CSMD1: variants seen among roughly 807,000 people sequenced by gnomAD.
The protein encoded by CSMD1 is CUB and sushi domain-containing protein 1.
A neutral mutation model predicts 417.5 loss-of-function variants in CSMD1; 213 were observed. The observed-to-expected ratio is 0.51, with a 90% CI of 0.46 to 0.57. The LOEUF (loss-of-function observed/expected upper bound fraction) is 0.57. Among genes scored for constraint, CSMD1 ranks in the 20% least tolerant of loss-of-function variants. The pLI is 0.00. For missense variants in CSMD1, 6,923 were observed against 4,529.7 expected (o/e 1.53, Z -15.17); for synonymous variants, 2,862 against 1,736.8 (o/e 1.65, Z -16.11).
chr8:4,358,682 T>A (rs189046443), intron 3 of CSMD1, among the ~76,000 whole-genome samples: 1 of 152,348 alleles, frequency 6.6e-6, no homozygotes, highest in African/African-American at 2.4e-5. Flanking sequence ...TGCATACTTT[T>A]TCTAAGAGTA....
chr8:3,264,221 G>A, intron 26 of CSMD1, among the ~76,000 whole-genome samples: 1 of 152,104 alleles, frequency 6.6e-6, no homozygotes, highest in East Asian at 1.9e-4. Context: ...AGATTTCTTA[G>A]GAAACATTCT....
At chr8:4,498,128 G>A (rs1330250241) in intron 2 of CSMD1, among the ~76,000 whole-genome samples, 1 of 152,048 alleles carries the variant, frequency 6.6e-6, no homozygotes. Flanking sequence ...GTCCTTTGTG[G>A]GACTTAAAGT....
At chr8:4,217,088 G>C (rs1328696615) in intron 3 of CSMD1, among the ~76,000 whole-genome samples, 2 of 152,180 alleles carry the variant, frequency 1.3e-5, no homozygotes, top group Non-Finnish European at 2.9e-5. Flanking sequence ...CAATATAGTA[G>C]ATAGGGGCTG....
chr8:4,432,271 C>G (rs921399584), intron 2 of CSMD1, among the ~76,000 whole-genome samples: 1 of 152,038 alleles, frequency 6.6e-6, no homozygotes, highest in Non-Finnish European at 1.5e-5. Flanking sequence ...TAACTGTTTT[C>G]CAGGTGTAGG....
chr8:3,905,826 G>T (rs17067890), intron 5 of CSMD1, among the ~76,000 whole-genome samples: 1 of 152,016 alleles, frequency 6.6e-6, no homozygotes, highest in African/African-American at 2.4e-5. Flanking sequence ...CAAACATCTG[G>T]GCCTGGCATT....
chr8:4,953,064 CA>C (rs5889076), intron 1 of CSMD1, among the ~76,000 whole-genome samples: 124,003 of 151,912 alleles, frequency 0.82, 50,775 homozygotes, highest in Admixed American at 0.87. Context: ...GATGTTAAGA[CA>C]AAAAAACATT....
At chr8:3,537,810 C>T (rs920853313) in intron 10 of CSMD1, among the ~76,000 whole-genome samples, 1 of 152,188 alleles carries the variant, frequency 6.6e-6, no homozygotes, top group Admixed American at 6.5e-5. Context: ...TAGCACTTGG[C>T]ACAAACTTGG....
chr8:3,303,029 G>C (rs1205189687), intron 25 of CSMD1, among the ~76,000 whole-genome samples: 3 of 152,166 alleles, frequency 2.0e-5, no homozygotes, highest in Non-Finnish European at 4.4e-5. Flanking sequence ...AAAAACTGTA[G>C]ACTTCTATAA....
chr8:4,821,737 T>C (rs555174924), intron 1 of CSMD1, among the ~76,000 whole-genome samples: 1 of 152,132 alleles, frequency 6.6e-6, no homozygotes, highest in Admixed American at 6.6e-5. Context: ...GATGTTCTTG[T>C]GTTATAAGTG....
intron 5 of CSMD1, among the ~76,000 whole-genome samples, chr8:3,794,730 T>C (rs889815040): frequency 6.6e-6 from 1 of 152,202 alleles, no homozygotes; most frequent in East Asian, 1.9e-4. Context: ...CTCCGATATC[T>C]CACAGTTGCA....
chr8:3,278,448 G>C (rs909547390), intron 26 of CSMD1: 2 of 152,084 alleles, frequency 1.3e-5, no homozygotes, highest in African/African-American at 4.8e-5. Context: ...AGCCTACTAA[G>C]AAATCTCATT....
intron 5 of CSMD1, among the ~76,000 whole-genome samples, chr8:3,894,350 G>C (rs188456602): frequency 2.6e-5 from 4 of 152,088 alleles, no homozygotes; most frequent in Admixed American, 2.0e-4. Context: ...TCTATCACGA[G>C]GATTAAATGG....
At chr8:3,873,126 A>G (rs550380426) in intron 5 of CSMD1, among the ~76,000 whole-genome samples, 3 of 152,278 alleles carry the variant, frequency 2.0e-5, no homozygotes, top group South Asian at 2.1e-4. Flanking sequence ...TAGTTCAACT[A>G]TTGAGGAAAC....
chr8:3,701,452 G>T (rs1025802956), intron 7 of CSMD1, among the ~76,000 whole-genome samples: 20 of 151,910 alleles, frequency 1.3e-4, no homozygotes, highest in Non-Finnish European at 2.6e-4. Flanking sequence ...CGGTTATGGT[G>T]CTAAACTCAG....
intron 4 of CSMD1, 34 bp from the exon 5 acceptor site, chr8:3,998,144 T>C: frequency 6.5e-7 from 1 of 1,528,420 alleles, no homozygotes; most frequent in Non-Finnish European, 8.9e-7. Flanking sequence ...AAGCATCACA[T>C]TTCAGGATGG....
chr8:3,107,917 C>G, intron 44 of CSMD1, 119 bp from the exon 45 acceptor site: 1 of 629,554 alleles, frequency 1.6e-6, no homozygotes, highest in Admixed American at 3.4e-5. Flanking sequence ...ACTGAAATGT[C>G]TCTATTCCTG....
rs761221987 is a variant in CSMD1, at chr8:3,767,207, A to G, written c.819-13165T>C. Among the ~76,000 whole-genome samples the G allele has an allele frequency of 3.9e-5, 6 of 152,232 alleles. 1 individual carries two copies. The highest frequency in any genetic ancestry group is 7.3e-5 in the Non-Finnish European group (5 of 68,048). The stretch of plus-strand genomic sequence containing the variant: ...CCATCGTAGAAAGCAAGTTCATTCC[A>G]TGCACAGGCTCTGGACTGAGGCCAA... On this transcript the variant is annotated intron_variant, in intron 5 of 69. Coordinates refer to ENST00000635120, the MANE Select transcript of CSMD1 (RefSeq NM_033225.6).
chr8:3,307,923 A>G (rs1805009696), intron 24 of CSMD1, 102 bp from the exon 25 acceptor site: 1 of 1,262,004 alleles, frequency 7.9e-7, no homozygotes, highest in East Asian at 2.5e-5. Flanking sequence ...CATTATATAC[A>G]TAGAGAAAAA....
chr8:3,177,991 G>A (rs144531659), intron 37 of CSMD1, among the ~76,000 whole-genome samples: 129 of 152,264 alleles, frequency 8.5e-4, no homozygotes, highest in African/African-American at 3.0e-3. Context: ...TAACGTGAAC[G>A]AAGACTAAAT....
Sources: gnomAD v4.1 joint callset for allele counts (sites outside exome capture counted in the v4.1 genomes callset) on GRCh38, gnomAD v4.1.1 for gene constraint, MANE v1.5 for transcripts, NCBI Gene and HGNC (gene_info 2026-07-23, HGNC 2026-07-21) for gene names.